The following PTBP3 variants were observed in gnomAD, a reference collection of about 807,000 sequenced individuals.
PTBP3 encodes the protein polypyrimidine tract-binding protein 3.
PTBP3 carries 20 observed loss-of-function variants against 58.7 expected under a neutral mutation model. That is an observed-to-expected ratio of 0.34 (90% confidence interval 0.24 to 0.50). The LOEUF is 0.50. Among genes scored for constraint, PTBP3 ranks in the 20% least tolerant of loss-of-function variants. PTBP3 has a pLI of 0.98. For missense variants in PTBP3, 509 were observed against 637.2 expected (o/e 0.80, Z 2.17); for synonymous variants, 185 against 219.8 (o/e 0.84, Z 1.40).
chr9:112,333,167 G>T (rs1231342353), intron 1 of PTBP3: 9 of 1,187,950 alleles, frequency 7.6e-6, no homozygotes, highest in African/African-American at 1.6e-5. Context: ...GCGGAGGGCG[G>T]ACCTCGGCAC....
chr9:112,295,923 G>C (rs1370762602), intron 2 of PTBP3, among the ~76,000 whole-genome samples: 1 of 152,328 alleles, frequency 6.6e-6, no homozygotes, highest in East Asian at 1.9e-4. Flanking sequence ...ACTAGATCAA[G>C]CTTGTCCAAC....
At chr9:112,234,946 C>T (rs778514110) in intron 7 of PTBP3, 49 bp from the exon 8 acceptor site, 11 of 1,475,752 alleles carry the variant, frequency 7.5e-6, no homozygotes, top group African/African-American at 1.4e-5. Flanking sequence ...CTATAAATAT[C>T]GTTATCAAAG....
chr9:112,366,912 G>A, the PTBP3 span, among the ~76,000 whole-genome samples: 24 of 152,310 alleles, frequency 1.6e-4, no homozygotes, highest in African/African-American at 5.8e-4. Context: ...TAAAGCCACA[G>A]GGGTGGAGCT....
chr9:112,313,203 A>G (rs1236355453), intron 1 of PTBP3, among the ~76,000 whole-genome samples: 1 of 63,392 alleles, frequency 1.6e-5, no homozygotes, highest in African/African-American at 8.8e-5. Flanking sequence ...TCTGACATTA[A>G]TAAGACTTTT....
At chr9:112,258,380 C>A (rs1332177784) in intron 5 of PTBP3, among the ~76,000 whole-genome samples, 1 of 152,122 alleles carries the variant, frequency 6.6e-6, no homozygotes, top group Non-Finnish European at 1.5e-5. Flanking sequence ...GCTTTAATTA[C>A]CACACCTACG....
At chr9:112,266,888 T>C (rs1408169680) in intron 4 of PTBP3, among the ~76,000 whole-genome samples, 1 of 152,242 alleles carries the variant, frequency 6.6e-6, no homozygotes, top group Non-Finnish European at 1.5e-5. Flanking sequence ...CAACTTGTAA[T>C]GACAATTTTT....
At chr9:112,281,858 T>C (rs1464117471) in intron 2 of PTBP3, among the ~76,000 whole-genome samples, 3 of 152,208 alleles carry the variant, frequency 2.0e-5, no homozygotes, top group Non-Finnish European at 4.4e-5. Flanking sequence ...ACTTAGTCAG[T>C]TAAGGCTACC....
Position 112,224,539 on chromosome 9 carries a change from T to A in PTBP3, c.1365-329A>T, listed in dbSNP as rs141893493. On this transcript the variant is annotated intron_variant, in intron 12 of 13. Transcript: ENST00000374257. ...CATACCACTGGCTTTAGTAATCAAC[T>A]GTAGTACTTCCAAAGTTTCCTAGCT... Among the ~76,000 whole-genome samples, 1,158 of 152,338 alleles carry A rather than the reference T, an allele frequency of 7.6e-3. 21 individuals are homozygous for A. The highest frequency in any genetic ancestry group is 0.027 in the African/African-American group (1,103 of 41,588).
At chr9:112,261,497 C>T (rs1163829522) in intron 5 of PTBP3, among the ~76,000 whole-genome samples, 1 of 152,218 alleles carries the variant, frequency 6.6e-6, no homozygotes, top group African/African-American at 2.4e-5. Context: ...TACAAGCACA[C>T]ACACACCTCT....
In PTBP3 at chr9:112,268,695, G is replaced by A. The variant is rs1827223587; in HGVS notation, c.205-500C>T. Among the ~76,000 whole-genome samples the A allele has an allele frequency of 2.3e-5, 3 of 132,256 alleles. No homozygotes were observed. The South Asian group carries it at 7.4e-4, about 33-fold the overall frequency. The allele number at this position is 132,256 out of a possible 152,430, so 86.8% of individuals were successfully genotyped here. A position where few individuals can be genotyped will look rare whatever the true frequency, so the allele number is the denominator to read the frequency against. On this transcript the variant is annotated intron_variant, in intron 3 of 13. Transcript: ENST00000374257. ...TGACTGCACTGCAGCATGGGTAACA[G>A]GAGTAAGACACCGTCTCAAAAAAAA...
intron 1 of PTBP3, among the ~76,000 whole-genome samples, chr9:112,311,918 C>A (rs548330086): frequency 3.0e-4 from 45 of 152,208 alleles, no homozygotes; most frequent in Middle Eastern, 3.4e-3. Flanking sequence ...CTGTGAGTAG[C>A]CACTGCACTT....
chr9:112,379,835 CCA>C, the PTBP3 span: 11 of 506,800 alleles, frequency 2.2e-5, no homozygotes, highest in Admixed American at 7.8e-5. Context: ...CTGACGCTGC[CCA>C]GACGCTAGGC....
intron 1 of PTBP3, among the ~76,000 whole-genome samples, chr9:112,327,018 C>T (rs2132472881): frequency 6.6e-6 from 1 of 151,690 alleles, no homozygotes; most frequent in South Asian, 2.1e-4. Flanking sequence ...AGGGGTTCAA[C>T]ACCAGCCTGG....
At chr9:112,249,256 T>C (rs1412143072) in intron 7 of PTBP3, among the ~76,000 whole-genome samples, 1 of 152,118 alleles carries the variant, frequency 6.6e-6, no homozygotes, top group Non-Finnish European at 1.5e-5. Context: ...TTCTTCAGTA[T>C]GTATAAATAT....
At chr9:112,245,361 A>G (rs1245674223) in intron 7 of PTBP3, among the ~76,000 whole-genome samples, 2 of 152,100 alleles carry the variant, frequency 1.3e-5, no homozygotes, top group East Asian at 1.9e-4. Flanking sequence ...CAATTCCGAA[A>G]CCACTTCTGT....
At chr9:112,250,206 T>C (rs1370421501) in intron 7 of PTBP3, among the ~76,000 whole-genome samples, 1 of 152,084 alleles carries the variant, frequency 6.6e-6, no homozygotes, top group Non-Finnish European at 1.5e-5. Context: ...ACGGTGTTAT[T>C]TGGAAAAGGA....
At chr9:112,323,009 A>G (rs1053029210) in intron 1 of PTBP3, among the ~76,000 whole-genome samples, 1 of 152,222 alleles carries the variant, frequency 6.6e-6, no homozygotes, top group Non-Finnish European at 1.5e-5. Flanking sequence ...AGACTTGGGG[A>G]GGCTGAAGCA....
the PTBP3 span, among the ~76,000 whole-genome samples, chr9:112,372,036 G>A: frequency 1.3e-5 from 2 of 152,182 alleles, no homozygotes; most frequent in African/African-American, 4.8e-5. Context: ...AGAGTTTTCT[G>A]CATCAGCCAT....
chr9:112,332,940 C>A (rs1830437831), intron 1 of PTBP3: 13 of 1,512,864 alleles, frequency 8.6e-6, no homozygotes, highest in Non-Finnish European at 1.2e-5. Flanking sequence ...GGCCCTGGGA[C>A]CCCGCGTGGG....
Sources: gnomAD v4.1 joint callset for allele counts (sites outside exome capture counted in the v4.1 genomes callset) on GRCh38, gnomAD v4.1.1 for gene constraint, MANE v1.5 for transcripts, NCBI Gene and HGNC (gene_info 2026-07-23, HGNC 2026-07-21) for gene names.